Variants in PHACTR1 observed in about 807,000 individuals in gnomAD.
PHACTR1 encodes phosphatase and actin regulator 1.
Under a neutral mutation model 69.2 loss-of-function variants are expected in PHACTR1, and 16 were observed. The observed-to-expected ratio is 0.23, with a 90% CI of 0.16 to 0.35. PHACTR1 has a LOEUF of 0.35. PHACTR1 is among the 10% of genes least tolerant of loss of function. The pLI is 1.00. For missense variants in PHACTR1, 510 were observed against 734.7 expected (o/e 0.69, Z 3.54); for synonymous variants, 312 against 284.5 (o/e 1.10, Z -0.97).
At chr6:12,929,899 T>C (rs138294762) in intron 4 of PHACTR1, among the ~76,000 whole-genome samples, 3 of 152,372 alleles carry the variant, frequency 2.0e-5, no homozygotes, top group Non-Finnish European at 4.4e-5. Context: ...TAAGATGTTA[T>C]TGCAAATGAC....
At chr6:12,871,623 C>A (rs748542501) in intron 4 of PHACTR1, among the ~76,000 whole-genome samples, 2 of 152,190 alleles carry the variant, frequency 1.3e-5, no homozygotes, top group East Asian at 3.9e-4. Context: ...CAGTTCTTTG[C>A]CAAGAATACT....
intron 5 of PHACTR1, among the ~76,000 whole-genome samples, chr6:13,126,979 C>T (rs1819634810): frequency 6.6e-6 from 1 of 152,088 alleles, no homozygotes; most frequent in Non-Finnish European, 1.5e-5. Context: ...GTATTTAATG[C>T]AAGTTTTACA....
intron 4 of PHACTR1, among the ~76,000 whole-genome samples, chr6:12,902,132 C>T (rs1021778355): frequency 6.6e-6 from 1 of 152,082 alleles, no homozygotes; most frequent in African/African-American, 2.4e-5. Flanking sequence ...AGATTAAGAA[C>T]CTGCTATAGG....
At chr6:12,849,188 G>C (rs918342876) in intron 4 of PHACTR1, among the ~76,000 whole-genome samples, 1 of 152,188 alleles carries the variant, frequency 6.6e-6, no homozygotes, top group African/African-American at 2.4e-5. Flanking sequence ...CCCTAGGAGC[G>C]TGTGAAAGAA....
chr6:13,150,994 C>A (rs1223534), intron 5 of PHACTR1, among the ~76,000 whole-genome samples: 30,814 of 152,064 alleles, frequency 0.2, 3,347 homozygotes, highest in South Asian at 0.39. Context: ...ACTCATGAAG[C>A]CAGATGGGAA....
chr6:13,239,906 C>T (rs1203895204), intron 10 of PHACTR1, among the ~76,000 whole-genome samples: 2 of 152,180 alleles, frequency 1.3e-5, no homozygotes, highest in Non-Finnish European at 2.9e-5. Context: ...TGGAGAGCAC[C>T]GTTAGTTCTC....
chr6:12,783,379 TATA>T (rs1276814242), intron 4 of PHACTR1, among the ~76,000 whole-genome samples: 1 of 152,218 alleles, frequency 6.6e-6, no homozygotes, highest in Non-Finnish European at 1.5e-5. Context: ...TGGTTCAAAG[TATA>T]ATAACAACAT....
At chr6:12,762,192 T>C (rs1768096227) in intron 4 of PHACTR1, among the ~76,000 whole-genome samples, 1 of 152,156 alleles carries the variant, frequency 6.6e-6, no homozygotes, top group Non-Finnish European at 1.5e-5. Context: ...ACTGACTGGG[T>C]TTTTACGTAT....
chr6:12,880,858 G>C (rs907875668), intron 4 of PHACTR1, among the ~76,000 whole-genome samples: 2 of 146,518 alleles, frequency 1.4e-5, no homozygotes, highest in African/African-American at 5.2e-5. Flanking sequence ...CATGTTCGCG[G>C]AACAGGCAAG....
At position 12,877,386 on chromosome 6, in the gene PHACTR1, T is replaced by C. The variant is rs182582337; in HGVS notation, c.250+127596T>C. On this transcript the variant is annotated intron_variant, in intron 4 of 14. Transcript: ENST00000332995. ...CTTTGATGGCCATCCAGGGTGACAG[T>C]AGAGTAGTTTTTGAGATAATGCCTC... Among the ~76,000 whole-genome samples the C allele has an allele frequency of 7.9e-5, 12 of 152,264 alleles. No homozygotes were observed. The East Asian group carries it at 2.3e-3, about 29-fold the overall frequency.
intron 5 of PHACTR1, among the ~76,000 whole-genome samples, chr6:13,060,133 G>A (rs768021963): frequency 1.3e-5 from 2 of 152,156 alleles, no homozygotes; most frequent in Non-Finnish European, 2.9e-5. Context: ...GGAGGCTACA[G>A]TTAACCGTGT....
chr6:13,030,344 G>A (rs540713438), intron 4 of PHACTR1, among the ~76,000 whole-genome samples: 1 of 152,312 alleles, frequency 6.6e-6, no homozygotes, highest in African/African-American at 2.4e-5. Context: ...CTTACACAGA[G>A]TTTCCTGTCA....
chr6:12,730,827 C>T (rs1031027042), intron 3 of PHACTR1, among the ~76,000 whole-genome samples: 1 of 152,082 alleles, frequency 6.6e-6, no homozygotes, highest in Non-Finnish European at 1.5e-5. Context: ...TCATTTAGCT[C>T]CCACTTATAA....
intron 4 of PHACTR1, among the ~76,000 whole-genome samples, chr6:12,830,659 G>T (rs1032792739): frequency 6.6e-6 from 1 of 151,828 alleles, no homozygotes; most frequent in Non-Finnish European, 1.5e-5. Context: ...GCGCGATCTC[G>T]GCTCACTGCA....
chr6:13,135,601 T>C (rs1223516), intron 5 of PHACTR1, among the ~76,000 whole-genome samples: 142,013 of 152,330 alleles, frequency 0.93, 66,790 homozygotes, highest in Non-Finnish European at 0.99. Context: ...CTTTGTTAAT[T>C]TTAAAGCAGC....
intron 4 of PHACTR1, among the ~76,000 whole-genome samples, chr6:12,881,937 G>C (rs912254209): frequency 6.6e-6 from 1 of 152,194 alleles, no homozygotes; most frequent in Non-Finnish European, 1.5e-5. Context: ...AATGAAGTCA[G>C]AGAGGTGGGA....
chr6:12,795,383 G>A (rs1772849021), intron 4 of PHACTR1, among the ~76,000 whole-genome samples: 1 of 152,086 alleles, frequency 6.6e-6, no homozygotes, highest in Admixed American at 6.6e-5. Flanking sequence ...CCATTATCTT[G>A]CATTTCATTT....
At chr6:13,105,170 G>C (rs776019291) in intron 5 of PHACTR1, among the ~76,000 whole-genome samples, 13 of 152,136 alleles carry the variant, frequency 8.5e-5, no homozygotes, top group African/African-American at 2.9e-4. Context: ...TTGCTTGAGC[G>C]AGTTTGAGAC....
chr6:12,804,917 T>A lies in PHACTR1; in HGVS notation c.250+55127T>A, dbSNP rs557521597. Among the ~76,000 whole-genome samples, 94 of 152,348 alleles carry A rather than the reference T, an allele frequency of 6.2e-4. 1 individual carries two copies. The highest frequency in any genetic ancestry group is 2.2e-3 in the African/African-American group (90 of 41,588). ...CCAAAAATGGACAAGAATTAATCTATAGACATATATTCAAAAAATTGTATA... is the reference window on the plus strand; with the variant it reads ...CCAAAAATGGACAAGAATTAATCTAAAGACATATATTCAAAAAATTGTATA... On this transcript the variant is annotated intron_variant, in intron 4 of 14. Coordinates refer to ENST00000332995, the MANE Select transcript of PHACTR1 (RefSeq NM_030948.6).
Sources: allele counts gnomAD v4.1 joint callset (sites outside exome capture counted in the v4.1 genomes callset), GRCh38; gene constraint gnomAD v4.1.1; transcripts MANE v1.5; gene names NCBI Gene and HGNC (gene_info 2026-07-23, HGNC 2026-07-21).